The following MACF1 variants were observed in gnomAD, a reference collection of about 807,000 sequenced individuals.
MACF1 encodes the protein microtubule actin crosslinking factor 1.
In MACF1, 193 loss-of-function variants were observed where a neutral mutation model predicts 854.8. That is an observed-to-expected ratio of 0.23 (90% CI 0.20 to 0.25). The LOEUF (loss-of-function observed/expected upper bound fraction) is 0.25. Among genes scored for constraint, MACF1 ranks in the 10% least tolerant of loss-of-function variants. MACF1 has a pLI of 1.00. For synonymous variants in MACF1, 3,185 were observed against 3,226.7 expected, an observed-to-expected ratio of 0.99 and a Z score of 0.44; for missense variants, 7,722 against 8,929.1, an observed-to-expected ratio of 0.86 and a Z score of 5.45.
chr1:39,335,379 G>A lies in MACF1; in HGVS notation c.8791G>A (p.Asp2931Asn). Residue 2931 changes from aspartate (D) to asparagine (N), a missense_variant, in exon 37 of 101, where the codon GAT becomes AAT. Asp to Asn is a conservative substitution (Grantham distance 23, BLOSUM62 1). Coordinates refer to ENST00000564288, the MANE Select transcript of MACF1 (RefSeq NM_001394062.1). ...TATGAAGCAGTCTACCTCATGTCTA[G>A]ATTCTGAAGAAATAAGAGAAAATCA... ...SHMKQSTSCL[D>N]SEEIRENQGE... The A allele has an allele frequency of 6.2e-7, 1 of 1,613,998 alleles. No individual in the cohort carries two copies. Among genetic ancestry groups the A allele is most frequent in the Non-Finnish European group, 8.5e-7 (1 of 1,179,916 alleles).
At chr1:39,360,757 G>T (rs773004731) in intron 47 of MACF1, 36 bp from the exon 48 acceptor site, 1 of 1,312,784 alleles carries the variant, frequency 7.6e-7, no homozygotes, top group Non-Finnish European at 1.1e-6. Context: ...TACAAAAATT[G>T]TCTCCACTCT....
chr1:39,126,039 G>T (rs926004148), intron 2 of MACF1, among the ~76,000 whole-genome samples: 1 of 152,152 alleles, frequency 6.6e-6, no homozygotes, highest in Non-Finnish European at 1.5e-5. Context: ...TTTATGACAG[G>T]ATAAATGCCA....
chr1:39,296,166 GT>G (rs1163197571), intron 20 of MACF1, among the ~76,000 whole-genome samples: 3 of 152,154 alleles, frequency 2.0e-5, no homozygotes, highest in African/African-American at 7.2e-5. Flanking sequence ...AGTTGGCTAG[GT>G]GCTGAAGCAC....
At chr1:39,375,375 C>T (rs1207607581) in intron 52 of MACF1, among the ~76,000 whole-genome samples, 1 of 151,746 alleles carries the variant, frequency 6.6e-6, no homozygotes, top group Admixed American at 6.6e-5. Context: ...GATCTCGGCT[C>T]ACTGCAAGCT....
intron 2 of MACF1, among the ~76,000 whole-genome samples, chr1:39,238,913 A>G (rs900465278): frequency 1.3e-5 from 2 of 152,130 alleles, no homozygotes; most frequent in Admixed American, 6.5e-5. Flanking sequence ...TTGCGACTCA[A>G]GCATCCTTTG....
chr1:39,429,449 A>G (rs1240236070), intron 64 of MACF1, 123 bp downstream of exon 64: 1 of 640,232 alleles, frequency 1.6e-6, no homozygotes, highest in African/African-American at 1.8e-5. Flanking sequence ...GTATTCACTG[A>G]TTGTATTCCC....
At chr1:39,379,519 A>G (rs1349922840) in intron 54 of MACF1, 75 bp downstream of exon 54, 4 of 1,508,116 alleles carry the variant, frequency 2.7e-6, no homozygotes, top group South Asian at 2.7e-5. Flanking sequence ...GCCCAAGCCC[A>G]GGTATCTGAG....
chr1:39,427,621 A>T lies in MACF1; in HGVS notation c.16476+7A>T, dbSNP rs748046597. The T allele has an allele frequency of 6.2e-7, 1 of 1,602,590 alleles. No individual in the cohort carries two copies. The highest frequency in any genetic ancestry group is 2.2e-5 in the East Asian group (1 of 44,834). On this transcript the variant is annotated splice_region_variant and intron_variant, in intron 62 of 100. Coordinates refer to ENST00000564288, the MANE Select transcript of MACF1 (RefSeq NM_001394062.1). The stretch of plus-strand genomic sequence containing the variant: ...GCAGATCATTCGGCACAAGGTAGGG[A>T]GTGGTTACAGTAAATGAAAATAGAA...
chr1:39,348,093 G>A (rs1174695522), intron 41 of MACF1, among the ~76,000 whole-genome samples: 1 of 152,158 alleles, frequency 6.6e-6, no homozygotes, highest in East Asian at 1.9e-4. Flanking sequence ...GCAAAAAATT[G>A]AGCTTTTGAG....
chr1:39,310,363 G>T lies in MACF1; in HGVS notation c.3035G>T (p.Arg1012Leu). 1 of 1,614,092 alleles carries T rather than the reference G, an allele frequency of 6.2e-7. No homozygotes were observed. Among genetic ancestry groups the T allele is most frequent in the Non-Finnish European group, 8.5e-7 (1 of 1,180,004 alleles). Reference sequence around the variant, plus strand: ...CTGTTCTCAGTGGCTGATCGCTTGCGCTTGGAAGAGGAGGTGGAAGCTTGT... The same window carrying T: ...CTGTTCTCAGTGGCTGATCGCTTGCTCTTGGAAGAGGAGGTGGAAGCTTGT... ...SVLFSVADRLRLEEEVEACKA... is the reference protein window; with the variant it reads ...SVLFSVADRLLLEEEVEACKA... The change falls in exon 25 of 101, where the codon CGC becomes CTC. Residue 1012 changes from arginine (R) to leucine (L), a missense_variant. Arg to Leu is a moderately radical substitution (Grantham distance 102, BLOSUM62 -2). This residue lies in a region of MACF1 where 1,137 missense variants were observed against 1,263.0 expected (regional missense o/e 0.90). Coordinates refer to ENST00000564288, the MANE Select transcript of MACF1 (RefSeq NM_001394062.1).
chr1:39,366,764 G>A (rs951896201), intron 49 of MACF1, among the ~76,000 whole-genome samples: 1 of 149,784 alleles, frequency 6.7e-6, no homozygotes, highest in African/African-American at 2.5e-5. Flanking sequence ...GCACAATCTC[G>A]GCTCACTGCA....
At chr1:39,133,887 G>GA (rs1643085227) in intron 2 of MACF1, among the ~76,000 whole-genome samples, 1 of 151,974 alleles carries the variant, frequency 6.6e-6, no homozygotes, top group African/African-American at 2.4e-5. Flanking sequence ...TTACAAAATA[G>GA]GGAATTGCAT....
intron 97 of MACF1, among the ~76,000 whole-genome samples, chr1:39,476,681 A>G (rs1416352225): frequency 6.6e-6 from 1 of 152,252 alleles, no homozygotes; most frequent in East Asian, 1.9e-4. Context: ...TATTTAAACA[A>G]AAATGCAATA....
chr1:39,089,433 A>G (rs570339605), intron 2 of MACF1, among the ~76,000 whole-genome samples: 1 of 152,312 alleles, frequency 6.6e-6, no homozygotes, highest in Non-Finnish European at 1.5e-5. Flanking sequence ...CATCTGCTCC[A>G]TTGTGGCCTT....
chr1:39,402,237 A>G (rs577930532), intron 58 of MACF1, among the ~76,000 whole-genome samples: 2 of 152,314 alleles, frequency 1.3e-5, no homozygotes, highest in East Asian at 3.9e-4. Context: ...TTCAACCCAG[A>G]GACCTCTTTC....
intron 69 of MACF1, 82 bp downstream of exon 69, chr1:39,434,714 T>C: frequency 8.6e-7 from 1 of 1,167,192 alleles, no homozygotes; most frequent in Non-Finnish European, 1.2e-6. Context: ...TTAGTGTCTA[T>C]AGGTGCAAGT....
chr1:39,484,925 A>G, intron 100 of MACF1, 195 bp downstream of exon 100: 3 of 634,770 alleles, frequency 4.7e-6, no homozygotes, highest in Non-Finnish European at 8.3e-6. Context: ...TTTCCTTCTG[A>G]GATGAGATGC....
At position 39,432,526 on chromosome 1, in the gene MACF1, G is replaced by C. The variant is rs754981965; in HGVS notation, c.17338-9G>C. 1.4e-5 allele frequency: 23 copies of C among 1,613,348 alleles called. No individual in the cohort carries two copies. The highest frequency in any genetic ancestry group is 1.9e-5 in the Non-Finnish European group (23 of 1,179,616). Reference sequence around the variant, plus strand: ...TAATTTGTTTATTTTTCTTTAATACGTCTATTAGTATGAGCAAGCTGCCGA... The same window carrying C: ...TAATTTGTTTATTTTTCTTTAATACCTCTATTAGTATGAGCAAGCTGCCGA... On this transcript the variant is annotated splice_polypyrimidine_tract_variant and intron_variant, in intron 66 of 100. Transcript: ENST00000564288.
At chr1:39,097,205 GT>G (rs1017573326) in intron 2 of MACF1, among the ~76,000 whole-genome samples, 1 of 152,046 alleles carries the variant, frequency 6.6e-6, no homozygotes, top group Admixed American at 6.6e-5. Context: ...ACACCCAGAT[GT>G]TCAGGCTCCA....
Sources: allele counts gnomAD v4.1 joint callset (sites outside exome capture counted in the v4.1 genomes callset), GRCh38; gene constraint gnomAD v4.1.1; regional missense constraint gnomAD v4.1.1; transcripts MANE v1.5; gene names NCBI Gene and HGNC (gene_info 2026-07-23, HGNC 2026-07-21).